Variants in CACNA1C observed in about 807,000 individuals in gnomAD.
CACNA1C encodes calcium voltage-gated channel subunit alpha1 C.
A neutral mutation model predicts 229.0 loss-of-function variants in CACNA1C; 30 were observed. The observed-to-expected ratio is 0.13, with a 90% CI of 0.10 to 0.18. The LOEUF (loss-of-function observed/expected upper bound fraction) is 0.18. CACNA1C is among the 10% of genes least tolerant of loss of function. The pLI is 1.00. For missense variants in CACNA1C, 1,658 were observed against 2,845.0 expected (o/e 0.58, Z 9.49); for synonymous variants, 1,114 against 1,132.5 (o/e 0.98, Z 0.33).
Position 2,692,418 on chromosome 12 carries a change from C to G in CACNA1C, c.*1219C>G, listed in dbSNP as rs750929311. On this transcript the variant is annotated 3_prime_UTR_variant, in exon 47 of 47. Coordinates refer to ENST00000399655, the MANE Select transcript of CACNA1C (RefSeq NM_000719.7). ...GTTGTCTGTGTGCATATGTCCTGCC[C>G]GTGTATATGCACCCACACCATGTGC... is the stretch of plus-strand genomic sequence containing the variant. 1 of 152,528 alleles carries G rather than the reference C, an allele frequency of 6.6e-6. No homozygotes were observed. Among genetic ancestry groups the G allele is most frequent in the East Asian group, 1.9e-4 (1 of 5,194 alleles). 9.4% of individuals were successfully genotyped at this position (152,528 alleles called of 1,614,324 possible). A position where few individuals can be genotyped will look rare whatever the true frequency, so the allele number is the denominator to read the frequency against.
chr12:2,463,343 T>C (rs749472851), intron 5 of CACNA1C, among the ~76,000 whole-genome samples: 4 of 152,238 alleles, frequency 2.6e-5, no homozygotes, highest in Non-Finnish European at 5.9e-5. Context: ...CAAAATCGAC[T>C]GAGTACTTAC....
chr12:2,690,422 T>C (rs1403056852), intron 46 of CACNA1C, among the ~76,000 whole-genome samples: 4 of 152,200 alleles, frequency 2.6e-5, no homozygotes, highest in Non-Finnish European at 5.9e-5. Flanking sequence ...CTGGCGCTGC[T>C]GGGGTCAAAT....
intron 5 of CACNA1C, among the ~76,000 whole-genome samples, chr12:2,465,329 G>C (rs1238738709): frequency 1.3e-5 from 2 of 152,192 alleles, no homozygotes; most frequent in African/African-American, 4.8e-5. Context: ...GACTTGCATA[G>C]TGTAGATGAT....
chr12:2,605,019 A>G lies in CACNA1C; in HGVS notation c.2961-62A>G. On this transcript the variant is annotated intron_variant, in intron 22 of 46. Coordinates refer to ENST00000399655, the MANE Select transcript of CACNA1C (RefSeq NM_000719.7). This position sits in a 1 kb window ranked among gnomAD's most constrained non-coding sequence, Gnocchi z 6.2. ...ACCTGTCAGGACATTCCCTTACCAC[A>G]TTATTTTTGCTCCCCCCAGAAACAG... The G allele has an allele frequency of 8.1e-7, 1 of 1,228,244 alleles. No individual in the cohort carries two copies. The highest frequency in any genetic ancestry group is 1.7e-5 in the Admixed American group (1 of 59,232). 76.1% of individuals were successfully genotyped at this position (1,228,244 alleles called of 1,614,324 possible).
chr12:2,480,670 C>T (rs2099672289), intron 5 of CACNA1C, among the ~76,000 whole-genome samples: 1 of 152,218 alleles, frequency 6.6e-6, no homozygotes, highest in Non-Finnish European at 1.5e-5. Context: ...CTATGAGAAA[C>T]TTGTACCCAC....
At chr12:2,676,977 C>A in intron 39 of CACNA1C, 117 bp from the exon 40 acceptor site, 1 of 807,420 alleles carries the variant, frequency 1.2e-6, no homozygotes, top group Non-Finnish European at 2.0e-6. Flanking sequence ...AATGTATTAC[C>A]TCTCCAAAAA....
chr12:2,135,339 G>A lies in CACNA1C; in HGVS notation c.477+14909G>A, dbSNP rs559448807. On this transcript the variant is annotated intron_variant, in intron 3 of 46. Transcript: ENST00000399655. ...GTCATTCTCCATCCAGCTTTGTTCT[G>A]TTGCTGGTGAGGAGCTGCGTTCCTT... Among the ~76,000 whole-genome samples, 379 of 146,746 alleles carry A rather than the reference G, an allele frequency of 2.6e-3. 9 individuals carry two copies. The highest frequency in any genetic ancestry group is 3.9e-3 in the Non-Finnish European group (264 of 66,860).
chr12:2,182,026 T>C (rs899085864), intron 3 of CACNA1C, among the ~76,000 whole-genome samples: 1 of 150,206 alleles, frequency 6.7e-6, no homozygotes, highest in African/African-American at 2.5e-5. Flanking sequence ...GAGTTCTCCA[T>C]CCCTGAAAGC....
chr12:2,061,949 C>CCTT (rs2057669438), intron 1 of CACNA1C, among the ~76,000 whole-genome samples: 1 of 152,186 alleles, frequency 6.6e-6, no homozygotes, highest in Admixed American at 6.5e-5. Flanking sequence ...GTGTAGCTCC[C>CCTT]TAAGACACTG....
At chr12:2,480,205 G>C (rs1334871425) in intron 5 of CACNA1C, among the ~76,000 whole-genome samples, 1 of 152,160 alleles carries the variant, frequency 6.6e-6, no homozygotes, top group Non-Finnish European at 1.5e-5. Flanking sequence ...GCATGGGGCT[G>C]ACAGACGGAG....
chr12:2,630,016 T>C lies in CACNA1C; in HGVS notation c.3829-4281T>C, dbSNP rs543642823. 2.0e-4 allele frequency among the ~76,000 whole-genome samples: 31 copies of C among 152,018 alleles called. No individual in the cohort carries two copies. Among genetic ancestry groups the C allele is most frequent in the South Asian group, 1.9e-3 (9 of 4,820 alleles). ...GGGGAAATCCACTCAGCCTGTGGGATTGGGGGATGGCGAGGGCAAGGCTTC... is the reference window on the plus strand; with the variant it reads ...GGGGAAATCCACTCAGCCTGTGGGACTGGGGGATGGCGAGGGCAAGGCTTC... On this transcript the variant is annotated intron_variant, in intron 29 of 46. Transcript: ENST00000399655. The surrounding 1 kb of genome is among the most constrained non-coding windows in gnomAD (Gnocchi z 5.4).
intron 3 of CACNA1C, among the ~76,000 whole-genome samples, chr12:2,389,078 G>A (rs2098442750): frequency 6.6e-6 from 1 of 152,156 alleles, no homozygotes; most frequent in Non-Finnish European, 1.5e-5. Context: ...CGTAGACAGA[G>A]CTAGTAGCAG....
In CACNA1C at chr12:2,631,698, C is replaced by A. The variant is rs1202941280; in HGVS notation, c.3829-2599C>A. 6.6e-5 allele frequency among the ~76,000 whole-genome samples: 10 copies of A among 152,328 alleles called. No individual in the cohort carries two copies. The South Asian group carries it at 2.1e-3, about 32-fold the overall frequency. On this transcript the variant is annotated intron_variant, in intron 29 of 46. Transcript: ENST00000399655. ...TACCCTGGGAAGCCAACAAGAAAGCCCTGATTTGAAGCTGACCCTCACCTC... is the reference window on the plus strand; with the variant it reads ...TACCCTGGGAAGCCAACAAGAAAGCACTGATTTGAAGCTGACCCTCACCTC...
rs367932190 is a variant in CACNA1C, at chr12:2,378,619, A to G, written c.478-70357A>G. On this transcript the variant is annotated intron_variant, in intron 3 of 46. Transcript: ENST00000399655. ...CATAAAATTCACAGAAAGATGGTCT[A>G]CTTTGTATTGTCATCATGGCCTGGC... Among the ~76,000 whole-genome samples, 437 of 152,346 alleles carry G rather than the reference A, an allele frequency of 2.9e-3. 2 individuals are homozygous for G. The highest frequency in any genetic ancestry group is 9.8e-3 in the African/African-American group (409 of 41,576).
chr12:2,687,850 A>C (rs1479480932), intron 45 of CACNA1C, among the ~76,000 whole-genome samples: 2 of 152,216 alleles, frequency 1.3e-5, no homozygotes, highest in African/African-American at 4.8e-5. Context: ...TGAATCTTTT[A>C]ATCACAATAC....
chr12:2,294,371 GA>G (rs1203246046), intron 3 of CACNA1C, among the ~76,000 whole-genome samples: 1 of 151,974 alleles, frequency 6.6e-6, no homozygotes, highest in African/African-American at 2.4e-5. Flanking sequence ...GGCGGCTGCT[GA>G]GGAAGGTGGA....
At chr12:2,494,353 G>A (rs2099742482) in intron 7 of CACNA1C, among the ~76,000 whole-genome samples, 1 of 152,154 alleles carries the variant, frequency 6.6e-6, no homozygotes, top group African/African-American at 2.4e-5. Context: ...TCCATTATTA[G>A]GAAAAACTCC....
At chr12:2,044,615 A>C (rs556398589) in intron 1 of CACNA1C, among the ~76,000 whole-genome samples, 2 of 152,294 alleles carry the variant, frequency 1.3e-5, no homozygotes, top group South Asian at 4.1e-4. Flanking sequence ...AGTGTTATCT[A>C]TATTCTTTTA....
chr12:2,326,117 A>G (rs1326188354), intron 3 of CACNA1C, among the ~76,000 whole-genome samples: 1 of 152,108 alleles, frequency 6.6e-6, no homozygotes, highest in African/African-American at 2.4e-5. Flanking sequence ...TTTTTTCAGA[A>G]GGGCTTTTGA....
Sources: gnomAD v4.1 joint callset for allele counts (sites outside exome capture counted in the v4.1 genomes callset) on GRCh38, gnomAD v4.1.1 for gene constraint, Gnocchi (gnomAD v3.1) non-coding constraint, MANE v1.5 for transcripts, NCBI Gene and HGNC (gene_info 2026-07-23, HGNC 2026-07-21) for gene names.